The following CASZ1 variants were observed in gnomAD, a reference collection of about 807,000 sequenced individuals.
The protein encoded by CASZ1 is castor zinc finger 1.
A neutral mutation model predicts 135.2 loss-of-function variants in CASZ1; 28 were observed. The observed-to-expected ratio is 0.21, with a 90% CI of 0.15 to 0.28. The LOEUF (loss-of-function observed/expected upper bound fraction) is 0.28, where lower values mean the gene tolerates loss of function less well. Ranked by LOEUF, CASZ1 falls within the 10% of genes least tolerant of loss-of-function variation. The probability of loss-of-function intolerance (pLI) is 1.00; values close to 1 mark genes in which losing one functional copy is unlikely to be tolerated. For missense variants in CASZ1, 2,161 were observed against 2,453.3 expected (o/e 0.88, Z 2.52); for synonymous variants, 1,068 against 1,073.4 (o/e 0.99, Z 0.10).
At position 10,706,990 on chromosome 1, in the gene CASZ1, T is replaced by C. The variant is rs927644928; in HGVS notation, c.-76-1446A>G. ...TGGAGGAGGAGGCCGGCAGGGAGGG[T>C]CACAGGGTCCGGGGATGGAGACCCC... On this transcript the variant is annotated intron_variant, in intron 2 of 20. Transcript: ENST00000377022. The surrounding 1 kb of genome is among the most constrained non-coding windows in gnomAD (Gnocchi z 4.3). 6.6e-6 allele frequency among the ~76,000 whole-genome samples: 1 copy of C among 150,726 alleles called. No homozygotes were observed. The highest frequency in any genetic ancestry group is 1.5e-5 in the Non-Finnish European group (1 of 67,560).
chr1:10,662,657 CCACA>C lies in CASZ1; in HGVS notation c.506-2125_506-2122del, dbSNP rs1276928976. 7.9e-5 allele frequency among the ~76,000 whole-genome samples: 12 copies of C among 151,760 alleles called. No individual in the cohort carries two copies. In the South Asian group the frequency reaches 2.3e-3, roughly 29 times the overall value. On this transcript the variant is annotated intron_variant, in intron 5 of 20. Transcript: ENST00000377022. Reference sequence around the variant, plus strand: ...ATAAAACTCATATACTTGCTCACCCCCACACAGTCACATGCAGACTCTCACATAA... The same window carrying C: ...ATAAAACTCATATACTTGCTCACCCCCAGTCACATGCAGACTCTCACATAA...
chr1:10,685,885 C>T (rs777537915), intron 4 of CASZ1, among the ~76,000 whole-genome samples: 6 of 152,244 alleles, frequency 3.9e-5, no homozygotes, highest in Non-Finnish European at 5.9e-5. Flanking sequence ...GAGGCACGTG[C>T]CCCTGGACTC....
chr1:10,686,610 G>C (rs543190865), intron 4 of CASZ1, among the ~76,000 whole-genome samples: 2 of 152,110 alleles, frequency 1.3e-5, no homozygotes, highest in African/African-American at 4.8e-5. Flanking sequence ...GCCCCTCCCC[G>C]CCACCCTCTC....
chr1:10,644,405 G>C (rs1642300864), intron 18 of CASZ1, among the ~76,000 whole-genome samples: 1 of 151,972 alleles, frequency 6.6e-6, no homozygotes, highest in African/African-American at 2.4e-5. Context: ...TTAGATCTGA[G>C]TCGCCACCAC....
chr1:10,690,137 C>T (rs1432827134), intron 4 of CASZ1, among the ~76,000 whole-genome samples: 1 of 152,220 alleles, frequency 6.6e-6, no homozygotes, highest in African/African-American at 2.4e-5. Flanking sequence ...GCCCTAAACC[C>T]GGCGTGGAAT....
intron 17 of CASZ1, among the ~76,000 whole-genome samples, 156 bp from the exon 18 acceptor site, chr1:10,645,244 C>T (rs540363390): frequency 2.0e-5 from 3 of 152,278 alleles, no homozygotes; most frequent in African/African-American, 4.8e-5. Flanking sequence ...TAAAAAGCAG[C>T]GCAGGGCCGG....
chr1:10,745,186 T>C (rs535819558), intron 2 of CASZ1, among the ~76,000 whole-genome samples: 2 of 152,208 alleles, frequency 1.3e-5, no homozygotes, highest in African/African-American at 4.8e-5. Context: ...TCTTACCAAA[T>C]TTTCTTTGTC....
intron 1 of CASZ1, among the ~76,000 whole-genome samples, chr1:10,793,723 C>CG (rs1437706574): frequency 8.1e-3 from 243 of 29,854 alleles, no homozygotes; most frequent in African/African-American, 0.026. Context: ...GGGTGGGTGG[C>CG]GGGGGGGCGG....
chr1:10,643,170 G>A lies in CASZ1; in HGVS notation c.4010C>T (p.Pro1337Leu), dbSNP rs771056030. The change falls in exon 19 of 21, where the codon CCC becomes CTC. Residue 1337 changes from proline to leucine, a missense_variant. Physicochemically the swap from Pro to Leu is moderately conservative, Grantham distance 98 (BLOSUM62 -3). This residue lies in a region of CASZ1 where 349 missense variants were observed against 460.8 expected (regional missense o/e 0.76). Transcript: ENST00000377022. ...RMLGKNFDRVPPSQGPPGLMD... is the reference protein window; with the variant it reads ...RMLGKNFDRVLPSQGPPGLMD... ...GGGGGGGGCTCTCACCTGGGAGGGG[G>A]GCACGCGGTCGAAGTTCTTCCCCAG... 1 of 1,611,302 alleles carries A rather than the reference G, an allele frequency of 6.2e-7. No individual in the cohort carries two copies. Among genetic ancestry groups the A allele is most frequent in the Non-Finnish European group, 8.5e-7 (1 of 1,179,766 alleles).
At position 10,658,386 on chromosome 1, in the gene CASZ1, G is replaced by A. The variant is rs567665781; in HGVS notation, c.1409+122C>T. 1.1e-4 allele frequency: 84 copies of A among 751,658 alleles called. 1 individual carries two copies. In the South Asian group the frequency reaches 1.3e-3, roughly 12 times the overall value. The allele number at this position is 751,658 out of a possible 1,614,324, so 46.6% of individuals were successfully genotyped here. A position where few individuals can be genotyped will look rare whatever the true frequency, so the allele number is the denominator to read the frequency against. ...GCGGTGGAGGGACCGAAGTGGATGG[G>A]GATGGGAGGAGGCAGCTACCTTGGC... On this transcript the variant is annotated intron_variant, in intron 7 of 20. Transcript: ENST00000377022.
chr1:10,639,209 C>T lies in CASZ1; in HGVS notation c.5013G>A (p.Gly1671=). ...EGAAAAAAAA[G]ESSQEDEEEE... ...CCTCCTCGTCCTCCTGCGAGGACTC[C>T]CCAGCTGCGGCGGCGGCGGCGGCGG... is the stretch of plus-strand genomic sequence containing the variant. The change falls in exon 21 of 21, where the codon GGG becomes GGA. Residue 1671 remains glycine, a synonymous_variant. Coordinates refer to ENST00000377022, the MANE Select transcript of CASZ1 (RefSeq NM_001079843.3). The surrounding 1 kb of genome is among the most constrained non-coding windows in gnomAD (Gnocchi z 4.0). 2 of 942,864 alleles carry T rather than the reference C, an allele frequency of 2.1e-6. No individual in the cohort carries two copies. Among genetic ancestry groups the T allele is most frequent in the Non-Finnish European group, 2.6e-6 (2 of 783,534 alleles). 58.4% of individuals were successfully genotyped at this position (942,864 alleles called of 1,614,324 possible).
chr1:10,723,010 G>A (rs893751430), intron 2 of CASZ1, among the ~76,000 whole-genome samples: 4 of 152,258 alleles, frequency 2.6e-5, no homozygotes, highest in Non-Finnish European at 4.4e-5. Context: ...CCTGATGTGC[G>A]CCCACGGCAG....
At position 10,694,422 on chromosome 1, in the gene CASZ1, C is replaced by T; in HGVS notation, c.-23-510G>A. ...GTTTTAAAGCCCTGATGTCATTGCT[C>T]CTGCCGGTAACACTCAGGGTAACAG... On this transcript the variant is annotated intron_variant, in intron 3 of 20. Transcript: ENST00000377022. The surrounding 1 kb of genome is among the most constrained non-coding windows in gnomAD (Gnocchi z 6.6). 1 of 594,222 alleles carries T rather than the reference C, an allele frequency of 1.7e-6. No individual in the cohort carries two copies. Among genetic ancestry groups the T allele is most frequent in the Non-Finnish European group, 2.3e-6 (1 of 434,944 alleles). The allele number at this position is 594,222 out of a possible 1,614,324, so 36.8% of individuals were successfully genotyped here. A position where few individuals can be genotyped will look rare whatever the true frequency, so the allele number is the denominator to read the frequency against.
chr1:10,772,159 T>A (rs1182529175), intron 1 of CASZ1, among the ~76,000 whole-genome samples: 1 of 152,098 alleles, frequency 6.6e-6, no homozygotes, highest in East Asian at 1.9e-4. Flanking sequence ...TCTGGTTGCC[T>A]GGAGGAAGGA....
rs1285649907 is a variant in CASZ1, at chr1:10,657,143, T to G, written c.1410-407A>C. Among the ~76,000 whole-genome samples, 1 of 152,176 alleles carries G rather than the reference T, an allele frequency of 6.6e-6. No individual in the cohort carries two copies. Among genetic ancestry groups the G allele is most frequent in the Admixed American group, 6.5e-5 (1 of 15,292 alleles). On this transcript the variant is annotated intron_variant, in intron 7 of 20. Coordinates refer to ENST00000377022, the MANE Select transcript of CASZ1 (RefSeq NM_001079843.3). The surrounding 1 kb of genome is among the most constrained non-coding windows in gnomAD (Gnocchi z 5.7). Reference sequence around the variant, plus strand: ...GCCGGGCTCTGATGCTGAGAGGTGTTAAAGGGCTCTCTCTGTCCTGGGCTT... The same window carrying G: ...GCCGGGCTCTGATGCTGAGAGGTGTGAAAGGGCTCTCTCTGTCCTGGGCTT...
At chr1:10,643,879 C>T (rs1356520657) in intron 18 of CASZ1, among the ~76,000 whole-genome samples, 1 of 152,242 alleles carries the variant, frequency 6.6e-6, no homozygotes, top group Non-Finnish European at 1.5e-5. Flanking sequence ...GCCAAAAACA[C>T]CACAAGTTGA....
intron 2 of CASZ1, among the ~76,000 whole-genome samples, chr1:10,718,878 CT>C (rs540549084): frequency 2.6e-5 from 4 of 151,564 alleles, no homozygotes; most frequent in Non-Finnish European, 5.9e-5. Context: ...CTTTTCTTTT[CT>C]TTTTTTTTAA....
chr1:10,747,912 G>A lies in CASZ1; in HGVS notation c.-77+12789C>T, dbSNP rs915796113. On this transcript the variant is annotated intron_variant, in intron 2 of 20. Transcript: ENST00000377022. The surrounding 1 kb of genome is among the most constrained non-coding windows in gnomAD (Gnocchi z 4.3). ...GCTCACTGCAAGCTCCGCCTCCTGGGTTCACGCCATTCTCCTGCCTCAGCC... is the reference window on the plus strand; with the variant it reads ...GCTCACTGCAAGCTCCGCCTCCTGGATTCACGCCATTCTCCTGCCTCAGCC... Among the ~76,000 whole-genome samples the A allele has an allele frequency of 6.6e-6, 1 of 151,834 alleles. No individual in the cohort carries two copies. The highest frequency in any genetic ancestry group is 2.1e-4 in the South Asian group (1 of 4,818).
intron 9 of CASZ1, among the ~76,000 whole-genome samples, chr1:10,654,912 T>A (rs1276128167): frequency 6.6e-6 from 1 of 152,086 alleles, no homozygotes; most frequent in African/African-American, 2.4e-5. Context: ...GGATTTTGAG[T>A]TCCAATCCAT....
Sources: allele counts gnomAD v4.1 joint callset (sites outside exome capture counted in the v4.1 genomes callset), GRCh38; gene constraint gnomAD v4.1.1; regional missense constraint gnomAD v4.1.1; non-coding constraint Gnocchi (gnomAD v3.1); transcripts MANE v1.5; gene names NCBI Gene and HGNC (gene_info 2026-07-23, HGNC 2026-07-21).